Variants in PDGFC observed in about 807,000 individuals in gnomAD.
The protein encoded by PDGFC is platelet derived growth factor C, also known as platelet-derived growth factor C.
PDGFC carries 12 observed loss-of-function variants against 35.5 expected under a neutral mutation model. The observed-to-expected ratio is 0.34, with a 90% CI of 0.22 to 0.55. The LOEUF is 0.55. PDGFC is among the 20% of genes least tolerant of loss of function. The pLI is 0.91. For missense variants in PDGFC, 322 were observed against 412.4 expected (o/e 0.78, Z 1.90); for synonymous variants, 159 against 148.8 (o/e 1.07, Z -0.50).
At chr4:156,924,255 T>C (rs1731355117) in intron 1 of PDGFC, among the ~76,000 whole-genome samples, 1 of 152,206 alleles carries the variant, frequency 6.6e-6, no homozygotes, top group East Asian at 1.9e-4. Flanking sequence ...CTACAATTTG[T>C]ATTCTTGAAA....
chr4:156,807,643 A>T (rs1731804465), intron 3 of PDGFC, among the ~76,000 whole-genome samples: 1 of 152,024 alleles, frequency 6.6e-6, no homozygotes, highest in South Asian at 2.1e-4. Flanking sequence ...TAACTAATGT[A>T]TTAAAACTCT....
chr4:156,937,381 T>C (rs566640488), intron 1 of PDGFC, among the ~76,000 whole-genome samples: 2 of 152,260 alleles, frequency 1.3e-5, no homozygotes, highest in South Asian at 2.1e-4. Flanking sequence ...TAAGTGAAGA[T>C]TCAAAGAAAT....
chr4:156,930,212 A>G (rs905455684), intron 1 of PDGFC, among the ~76,000 whole-genome samples: 8 of 152,256 alleles, frequency 5.3e-5, no homozygotes, highest in Non-Finnish European at 1.0e-4. Flanking sequence ...TTAATTCACA[A>G]AATCCTATAT....
intron 3 of PDGFC, among the ~76,000 whole-genome samples, chr4:156,789,665 G>T (rs1477561774): frequency 6.6e-6 from 1 of 152,120 alleles, no homozygotes; most frequent in Non-Finnish European, 1.5e-5. Context: ...AAGACTTTAT[G>T]AGACATCACT....
chr4:156,884,178 T>C (rs768464245), intron 1 of PDGFC, among the ~76,000 whole-genome samples: 9 of 152,178 alleles, frequency 5.9e-5, no homozygotes, highest in Non-Finnish European at 1.2e-4. Context: ...TGGTGCCTTC[T>C]TTTCCTATTT....
intron 1 of PDGFC, among the ~76,000 whole-genome samples, chr4:156,863,814 A>G (rs1218656443): frequency 2.0e-5 from 3 of 152,260 alleles, no homozygotes; most frequent in South Asian, 2.1e-4. Flanking sequence ...GTGTTCACTG[A>G]TGAGGGTTAA....
intron 2 of PDGFC, among the ~76,000 whole-genome samples, chr4:156,830,527 T>A (rs954169654): frequency 7.5e-6 from 1 of 133,952 alleles, no homozygotes; most frequent in Non-Finnish European, 1.7e-5. Context: ...ATTTAGTCAC[T>A]TGTGGACCTC....
At chr4:156,821,264 T>C (rs1279818408) in intron 2 of PDGFC, among the ~76,000 whole-genome samples, 1 of 152,046 alleles carries the variant, frequency 6.6e-6, no homozygotes. Context: ...CGTCTCACTC[T>C]GTCATACAGG....
At position 156,850,416 on chromosome 4, in the gene PDGFC, C is replaced by T. The variant is rs750380935; in HGVS notation, c.119G>A (p.Gly40Glu). Residue 40 changes from glycine (G) to glutamate (E), a missense_variant and splice_region_variant, in exon 2 of 6, where the codon GGA becomes GAA. Gly to Glu is a moderately conservative substitution (Grantham distance 98, BLOSUM62 -2). Around this residue, in one of 2 missense-constraint regions of PDGFC, gnomAD observed 120 missense variants for 116.6 expected, o/e 1.03. Coordinates refer to ENST00000502773, the MANE Select transcript of PDGFC (RefSeq NM_016205.3). ...TCTCTCATGCTGAGGATCTTGTACT[C>T]CTAAAGCAAAAAACATAGACATAGA... ...FQFSSNKEQNGVQDPQHERII... is the reference protein window; with the variant it reads ...FQFSSNKEQNEVQDPQHERII... The T allele has an allele frequency of 1.3e-6, 2 of 1,553,234 alleles. No individual in the cohort carries two copies. The highest frequency in any genetic ancestry group is 1.2e-5 in the South Asian group (1 of 83,354).
chr4:156,922,530 A>G (rs1050169458), intron 1 of PDGFC, among the ~76,000 whole-genome samples: 4 of 152,238 alleles, frequency 2.6e-5, no homozygotes, highest in Admixed American at 6.5e-5. Context: ...CTAGTATGAC[A>G]AAATGGCACA....
intron 1 of PDGFC, among the ~76,000 whole-genome samples, chr4:156,959,251 A>C (rs1339945312): frequency 6.6e-6 from 1 of 151,994 alleles, no homozygotes; most frequent in East Asian, 1.9e-4. Flanking sequence ...CACGCACTAA[A>C]CGAAAACAAA....
intron 1 of PDGFC, among the ~76,000 whole-genome samples, chr4:156,957,124 C>T: frequency 6.6e-6 from 1 of 151,992 alleles, no homozygotes; most frequent in South Asian, 2.1e-4. Flanking sequence ...CGGCTTAATG[C>T]TCTACAGTTA....
chr4:156,858,615 G>A (rs1038294083), intron 1 of PDGFC, among the ~76,000 whole-genome samples: 1 of 151,964 alleles, frequency 6.6e-6, no homozygotes, highest in Non-Finnish European at 1.5e-5. Context: ...CACCTTAAAG[G>A]TTCACTATTG....
intron 1 of PDGFC, among the ~76,000 whole-genome samples, chr4:156,885,520 T>C (rs1306911428): frequency 1.3e-5 from 2 of 152,240 alleles, no homozygotes; most frequent in South Asian, 2.1e-4. Flanking sequence ...TCAATGTCTA[T>C]AACAATATAA....
intron 1 of PDGFC, among the ~76,000 whole-genome samples, chr4:156,909,103 A>T (rs1477588461): frequency 2.0e-5 from 3 of 152,186 alleles, no homozygotes; most frequent in Non-Finnish European, 2.9e-5. Flanking sequence ...CATTTGAGAG[A>T]ATAAGGAGGT....
At chr4:156,855,732 C>T (rs1014323516) in intron 1 of PDGFC, among the ~76,000 whole-genome samples, 15 of 152,082 alleles carry the variant, frequency 9.9e-5, no homozygotes, top group African/African-American at 3.6e-4. Flanking sequence ...AATTTTTCTA[C>T]ATCCTAATGT....
intron 3 of PDGFC, among the ~76,000 whole-genome samples, chr4:156,798,576 G>C (rs1230394411): frequency 6.6e-6 from 1 of 152,030 alleles, no homozygotes; most frequent in African/African-American, 2.4e-5. Context: ...AATAGGATTA[G>C]GATACCACAA....
intron 3 of PDGFC, among the ~76,000 whole-genome samples, chr4:156,782,889 A>G (rs1370397645): frequency 2.6e-5 from 4 of 152,166 alleles, no homozygotes; most frequent in Non-Finnish European, 5.9e-5. Flanking sequence ...GCTCACAACA[A>G]ATGAAGAATA....
rs540092179 is a variant in PDGFC at position 156,962,612 on chromosome 4, C to T, written c.118+8174G>A. Among the ~76,000 whole-genome samples the T allele has an allele frequency of 7.9e-5, 12 of 152,242 alleles. No homozygotes were observed. In the South Asian group the frequency reaches 2.5e-3, roughly 32 times the overall value. On this transcript the variant is annotated intron_variant, in intron 1 of 5. Coordinates refer to ENST00000502773, the MANE Select transcript of PDGFC (RefSeq NM_016205.3). ...AAGAGCAGATGCTCATACATATTTG[C>T]TGAATGAAAACAATGTTCTAATAAA...
Sources: gnomAD v4.1 joint callset for allele counts (sites outside exome capture counted in the v4.1 genomes callset) on GRCh38, gnomAD v4.1.1 for gene constraint, gnomAD v4.1.1 regional missense constraint, MANE v1.5 for transcripts, NCBI Gene and HGNC (gene_info 2026-07-23, HGNC 2026-07-21) for gene names.